PIK3R5: variants seen among roughly 807,000 people sequenced by gnomAD.
PIK3R5 encodes phosphoinositide 3-kinase regulatory subunit 5.
A neutral mutation model predicts 94.9 loss-of-function variants in PIK3R5; 32 were observed. That is an observed-to-expected ratio of 0.34 (90% CI 0.25 to 0.45). The LOEUF is 0.45. Among genes scored for constraint, PIK3R5 ranks in the 20% least tolerant of loss-of-function variants. The pLI, the probability that PIK3R5 is intolerant of heterozygous loss-of-function variation, is 1.00. For synonymous variants in PIK3R5, 443 were observed against 479.4 expected, an observed-to-expected ratio of 0.92 and a Z score of 0.99; for missense variants, 853 against 1,144.6, an observed-to-expected ratio of 0.75 and a Z score of 3.68.
At chr17:8,927,463 C>T (rs1159050704) in intron 1 of PIK3R5, among the ~76,000 whole-genome samples, 1 of 152,166 alleles carries the variant, frequency 6.6e-6, no homozygotes, top group Admixed American at 6.5e-5. Context: ...CCTCCCACTC[C>T]ACAGTGTTAG....
intron 3 of PIK3R5, among the ~76,000 whole-genome samples, chr17:8,906,835 C>T (rs933252044): frequency 1.2e-4 from 19 of 152,160 alleles, no homozygotes; most frequent in African/African-American, 4.6e-4. Context: ...ACTAGAATTT[C>T]ACCTGCTATA....
At position 8,889,179 on chromosome 17, in the gene PIK3R5, G is replaced by C; in HGVS notation, c.855C>G (p.Val285=). Residue 285 remains valine, a synonymous_variant, in exon 9 of 19, where the codon GTC becomes GTG. Coordinates refer to ENST00000447110, the MANE Select transcript of PIK3R5 (RefSeq NM_001142633.3). This position sits in a 1 kb window ranked among gnomAD's most constrained non-coding sequence, Gnocchi z 4.1. ...PGKLHTIPIP[V]ARCYTYSWSQ... The stretch of plus-strand genomic sequence containing the variant: ...TCCAGCTGTAGGTGTAGCACCTGGC[G>C]ACAGGGATGGGGATGGTGTGGAGCT... 1.2e-6 allele frequency: 2 copies of C among 1,614,060 alleles called. No individual in the cohort carries two copies. The highest frequency in any genetic ancestry group is 2.2e-5 in the East Asian group (1 of 44,888).
chr17:8,937,410 T>C (rs1161091435), intron 1 of PIK3R5, among the ~76,000 whole-genome samples: 2 of 152,210 alleles, frequency 1.3e-5, no homozygotes, highest in African/African-American at 4.8e-5. Context: ...CTGAAGAAGT[T>C]CCTCTCTATT....
At chr17:8,952,389 G>T (rs2091391226) in intron 1 of PIK3R5, among the ~76,000 whole-genome samples, 1 of 152,200 alleles carries the variant, frequency 6.6e-6, no homozygotes, top group Admixed American at 6.5e-5. Context: ...ATGGTTTATG[G>T]TCTGACTTAA....
At chr17:8,961,357 G>A (rs796884859) in intron 1 of PIK3R5, among the ~76,000 whole-genome samples, 20 of 152,112 alleles carry the variant, frequency 1.3e-4, no homozygotes, top group Middle Eastern at 3.4e-3. Flanking sequence ...CACGCAGGCC[G>A]GGCGCGGTTG....
chr17:8,929,299 TGTC>T (rs1344673498), intron 1 of PIK3R5, among the ~76,000 whole-genome samples: 2 of 152,202 alleles, frequency 1.3e-5, no homozygotes, highest in Non-Finnish European at 2.9e-5. Context: ...AACCATTTGC[TGTC>T]TACAAGAAAC....
intron 1 of PIK3R5, among the ~76,000 whole-genome samples, chr17:8,918,692 A>G (rs190165966): frequency 1.4e-3 from 214 of 152,334 alleles, no homozygotes; most frequent in Middle Eastern, 3.4e-3. Flanking sequence ...GACAAATAGG[A>G]TATTTGTATA....
At chr17:8,919,883 T>G (rs2090702108) in intron 1 of PIK3R5, among the ~76,000 whole-genome samples, 1 of 145,410 alleles carries the variant, frequency 6.9e-6, no homozygotes, top group Non-Finnish European at 1.5e-5. Context: ...TTTTTCTTTT[T>G]CCTTCTTTTT....
chr17:8,907,694 C>A (rs1597393614), intron 3 of PIK3R5, among the ~76,000 whole-genome samples: 1 of 151,506 alleles, frequency 6.6e-6, no homozygotes, highest in Non-Finnish European at 1.5e-5. Flanking sequence ...GGCTGGAGTG[C>A]AGTGGCACGA....
At chr17:8,907,666 G>A (rs929069887) in intron 3 of PIK3R5, among the ~76,000 whole-genome samples, 3 of 151,498 alleles carry the variant, frequency 2.0e-5, no homozygotes, top group African/African-American at 7.3e-5. Flanking sequence ...GAGAAATAGG[G>A]TCTTGCTCTG....
Position 8,893,046 on chromosome 17 carries a change from CTG to C in PIK3R5, c.482+538_482+539del, listed in dbSNP as rs199732856. Among the ~76,000 whole-genome samples, 8,371 of 135,216 alleles carry C rather than the reference CTG, an allele frequency of 0.062. 356 individuals carry two copies. Among genetic ancestry groups the C allele is most frequent in the East Asian group, 0.25 (1,224 of 4,814 alleles). 88.7% of individuals were successfully genotyped at this position (135,216 alleles called of 152,430 possible). A position where few individuals can be genotyped will look rare whatever the true frequency, so the allele number is the denominator to read the frequency against. On this transcript the variant is annotated intron_variant, in intron 6 of 18. Coordinates refer to ENST00000447110, the MANE Select transcript of PIK3R5 (RefSeq NM_001142633.3). This position sits in a 1 kb window ranked among gnomAD's most constrained non-coding sequence, Gnocchi z 5.1. ...GTAACCAGGATACATTTCATTTCAG[CTG>C]TGTGTGTGTGTGTGTGTGTGTGTGT...
chr17:8,901,407 G>C (rs368185711), intron 5 of PIK3R5, among the ~76,000 whole-genome samples: 3 of 152,176 alleles, frequency 2.0e-5, no homozygotes, highest in Non-Finnish European at 4.4e-5. Context: ...CTGACTGATG[G>C]GGGGGCAGGT....
chr17:8,931,492 C>T (rs373980510), intron 1 of PIK3R5, among the ~76,000 whole-genome samples: 7 of 152,248 alleles, frequency 4.6e-5, no homozygotes, highest in African/African-American at 1.7e-4. Flanking sequence ...CTCTTGATTT[C>T]GCTGGGTTTC....
Position 8,893,471 on chromosome 17 carries a change from G to A in PIK3R5, c.482+115C>T, listed in dbSNP as rs2090075379. On this transcript the variant is annotated intron_variant, in intron 6 of 18. Transcript: ENST00000447110. This position sits in a 1 kb window ranked among gnomAD's most constrained non-coding sequence, Gnocchi z 5.1. ...GGAAGCCTGTTTGTTGCTGGCTGGG[G>A]TGGACAGGGGGTGGGGGCACTGGAT... 6.3e-6 allele frequency: 5 copies of A among 797,068 alleles called. No individual in the cohort carries two copies. In the South Asian group the frequency reaches 7.5e-5, roughly 12 times the overall value. 49.4% of individuals were successfully genotyped at this position (797,068 alleles called of 1,614,324 possible). A position where few individuals can be genotyped will look rare whatever the true frequency, so the allele number is the denominator to read the frequency against.
intron 1 of PIK3R5, among the ~76,000 whole-genome samples, chr17:8,948,413 G>A (rs1351380696): frequency 5.3e-5 from 8 of 152,184 alleles, no homozygotes; most frequent in Admixed American, 2.6e-4. Flanking sequence ...CACAGAGCTC[G>A]TGGCCAGGAG....
chr17:8,930,892 G>C (rs2090975057), intron 1 of PIK3R5, among the ~76,000 whole-genome samples: 1 of 152,186 alleles, frequency 6.6e-6, no homozygotes. Flanking sequence ...GGAGGGAAGT[G>C]GGTGTGGCTA....
In PIK3R5 at chr17:8,904,700, A is replaced by T; in HGVS notation, c.412+77T>A. Reference sequence around the variant, plus strand: ...AGGATGCAAGGTAAGGAGGGTCACAAAAAACAGTTTCAGAGGAGTTGGAAG... The same window carrying T: ...AGGATGCAAGGTAAGGAGGGTCACATAAAACAGTTTCAGAGGAGTTGGAAG... On this transcript the variant is annotated intron_variant, in intron 5 of 18. Coordinates refer to ENST00000447110, the MANE Select transcript of PIK3R5 (RefSeq NM_001142633.3). This position sits in a 1 kb window ranked among gnomAD's most constrained non-coding sequence, Gnocchi z 5.1. 6.7e-7 allele frequency: 1 copy of T among 1,495,714 alleles called. No homozygotes were observed. The allele number at this position is 1,495,714 out of a possible 1,614,324, so 92.7% of individuals were successfully genotyped here. A position where few individuals can be genotyped will look rare whatever the true frequency, so the allele number is the denominator to read the frequency against.
intron 1 of PIK3R5, among the ~76,000 whole-genome samples, chr17:8,947,518 A>AAAC (rs147810079): frequency 2.0e-5 from 3 of 152,056 alleles, no homozygotes; most frequent in South Asian, 2.1e-4. Context: ...TAGTCTATTA[A>AAAC]AACAACAACA....
intron 1 of PIK3R5, among the ~76,000 whole-genome samples, chr17:8,933,639 C>G (rs535176340): frequency 4.6e-5 from 7 of 152,152 alleles, no homozygotes; most frequent in African/African-American, 1.7e-4. Context: ...TTTTACATTT[C>G]AAGATGCAAA....
Sources: gnomAD v4.1 joint callset for allele counts (sites outside exome capture counted in the v4.1 genomes callset) on GRCh38, gnomAD v4.1.1 for gene constraint, Gnocchi (gnomAD v3.1) non-coding constraint, MANE v1.5 for transcripts, NCBI Gene and HGNC (gene_info 2026-07-23, HGNC 2026-07-21) for gene names.